Variants in FRMD7 observed in about 807,000 individuals in gnomAD.
FRMD7 encodes FERM domain containing 7.
FRMD7 carries 14 observed loss-of-function variants against 44.1 expected under a neutral mutation model. The ratio of observed to expected loss-of-function variants is 0.32; its 90% CI spans 0.21 to 0.50. The LOEUF (loss-of-function observed/expected upper bound fraction) is 0.50. Ranked by LOEUF, FRMD7 falls within the 20% of genes least tolerant of loss-of-function variation. FRMD7 has a pLI of 0.99. For synonymous variants in FRMD7, 212 were observed against 187.4 expected (o/e 1.13, Z -1.07); for missense variants, 501 against 522.3 (o/e 0.96, Z 0.40).
chrX:132,113,595 T>C (rs1373927933), intron 1 of FRMD7, among the ~76,000 whole-genome samples: 3 of 111,848 alleles, frequency 2.7e-5, no homozygotes, highest in African/African-American at 9.8e-5. Flanking sequence ...GTTTTTTTCA[T>C]TCATTTCTTC....
At chrX:132,103,660 G>A (rs1212029632) in intron 1 of FRMD7, among the ~76,000 whole-genome samples, 2 of 111,888 alleles carry the variant, frequency 1.8e-5, no homozygotes, top group Non-Finnish European at 3.8e-5. Flanking sequence ...TATTCAAAGT[G>A]GCTAGCTCTA....
chrX:132,078,612 G>T lies in FRMD7; in HGVS notation c.1405C>A (p.Pro469Thr). 2 of 1,210,804 alleles carry T rather than the reference G, an allele frequency of 1.7e-6. No individual in the cohort carries two copies. Among genetic ancestry groups the T allele is most frequent in the Admixed American group, 2.2e-5 (1 of 46,007 alleles). Residue 469 changes from proline to threonine, a missense_variant, in exon 12 of 12, where the codon CCA becomes ACA. This residue lies in a region of FRMD7 where 453 missense variants were observed against 452.7 expected (regional missense o/e 1.00). Transcript: ENST00000298542. ...TCCGTGTAAGTTAGCTGCTTTGCTG[G>T]ACGCACTTTGCTTGTGAGGCCAGAA... ...IYSGLTSKVR[P>T]AKQLTYTDVP...
In FRMD7 at chrX:132,077,102, C is replaced by G. The variant is rs1927625930; in HGVS notation, c.*770G>C. On this transcript the variant is annotated 3_prime_UTR_variant, in exon 12 of 12. Coordinates refer to ENST00000298542, the MANE Select transcript of FRMD7 (RefSeq NM_194277.3). Reference sequence around the variant, plus strand: ...AGCTATGACAAAAAATAAATTCTGGCAGGAAATATTAGATAAACAAACTGA... The same window carrying G: ...AGCTATGACAAAAAATAAATTCTGGGAGGAAATATTAGATAAACAAACTGA... 1 of 111,800 alleles carries G rather than the reference C, an allele frequency of 8.9e-6. No homozygotes were observed. Among genetic ancestry groups the G allele is most frequent in the African/African-American group, 3.3e-5 (1 of 30,761 alleles). 9.2% of individuals were successfully genotyped at this position (111,800 alleles called of 1,213,427 possible). A position where few individuals can be genotyped will look rare whatever the true frequency, so the allele number is the denominator to read the frequency against.
At chrX:132,087,914 T>C (rs747967732) in intron 5 of FRMD7, among the ~76,000 whole-genome samples, 1 of 109,995 alleles carries the variant, frequency 9.1e-6, no homozygotes, top group East Asian at 2.8e-4. Flanking sequence ...ATGACTATAA[T>C]ACACTATGAT....
chrX:132,080,103 G>C, intron 10 of FRMD7, 22 bp from the exon 11 acceptor site: 1 of 1,152,694 alleles, frequency 8.7e-7, no homozygotes, highest in Non-Finnish European at 1.2e-6. Flanking sequence ...AAGCAGAGAA[G>C]TCATTGAAAT....
chrX:132,081,350 A>C (rs927352255), intron 9 of FRMD7, among the ~76,000 whole-genome samples: 1 of 100,009 alleles, frequency 1.0e-5, no homozygotes, highest in Non-Finnish European at 2.0e-5. Context: ...ACAAAACAAA[A>C]CAAACAACAA....
At position 132,078,347 on chromosome X, in the gene FRMD7, G is replaced by C; in HGVS notation, c.1670C>G (p.Thr557Ser). ...LQVLQEAIAR[T>S]SGRSNINVGL... ...TACATTGATGTTGCTCCTACCGCTA[G>C]TCCTGGCTATAGCTTCTTGGAGTAC... is the stretch of plus-strand genomic sequence containing the variant. Residue 557 changes from threonine to serine, a missense_variant, in exon 12 of 12, where the codon ACT becomes AGT. Thr to Ser is a moderately conservative substitution (Grantham distance 58). Coordinates refer to ENST00000298542, the MANE Select transcript of FRMD7 (RefSeq NM_194277.3). 1 of 1,211,439 alleles carries C rather than the reference G, an allele frequency of 8.3e-7. No homozygotes were observed. The highest frequency in any genetic ancestry group is 1.1e-6 in the Non-Finnish European group (1 of 895,062).
intron 2 of FRMD7, 140 bp from the exon 3 acceptor site, chrX:132,099,650 T>C (rs2124251085): frequency 2.3e-6 from 1 of 440,364 alleles, no homozygotes; most frequent in East Asian, 4.3e-5. Flanking sequence ...CAAACAGCAA[T>C]GTCAAATAGG....
At chrX:132,097,140 A>G (rs1440947275) in intron 4 of FRMD7, 126 bp downstream of exon 4, 10 of 572,990 alleles carry the variant, frequency 1.7e-5, no homozygotes, top group Non-Finnish European at 3.2e-5. Context: ...CCAGATCCTC[A>G]CCATCTCCCA....
chrX:132,084,383 C>T (rs1414145836), intron 8 of FRMD7, 107 bp downstream of exon 8: 3 of 559,527 alleles, frequency 5.4e-6, no homozygotes, highest in Non-Finnish European at 9.7e-6. Context: ...CACACCATCA[C>T]TCAGGGCCAG....
chrX:132,118,047 A>T (rs1285306422), intron 1 of FRMD7, among the ~76,000 whole-genome samples: 2 of 111,847 alleles, frequency 1.8e-5, no homozygotes, highest in African/African-American at 6.5e-5. Context: ...ATGAATACAA[A>T]TTATGGGAAG....
chrX:132,090,936 T>C (rs1928150571), intron 5 of FRMD7, among the ~76,000 whole-genome samples: 1 of 111,093 alleles, frequency 9.0e-6, no homozygotes, highest in Non-Finnish European at 1.9e-5. Context: ...TGACAAATGT[T>C]ATAAGCACCT....
intron 1 of FRMD7, among the ~76,000 whole-genome samples, chrX:132,116,375 G>A (rs915870335): frequency 2.7e-5 from 3 of 111,485 alleles, no homozygotes; most frequent in Non-Finnish European, 5.6e-5. Flanking sequence ...CAGATGCCAC[G>A]TATTTTTCTA....
chrX:132,082,832 T>C (rs1439281780), intron 8 of FRMD7, among the ~76,000 whole-genome samples: 1 of 112,603 alleles, frequency 8.9e-6, no homozygotes, highest in Non-Finnish European at 1.9e-5. Flanking sequence ...TAAATTAGAT[T>C]AAAATCATGT....
chrX:132,100,187 G>A lies in FRMD7; in HGVS notation c.162+425C>T, dbSNP rs774979892. ...CACTCTGTTGCTCAGGCTGGGATGCGGTGGTGCGATGCTGGCTCACAGCAA... is the reference window on the plus strand; with the variant it reads ...CACTCTGTTGCTCAGGCTGGGATGCAGTGGTGCGATGCTGGCTCACAGCAA... On this transcript the variant is annotated intron_variant, in intron 2 of 11. Coordinates refer to ENST00000298542, the MANE Select transcript of FRMD7 (RefSeq NM_194277.3). Among the ~76,000 whole-genome samples the A allele has an allele frequency of 1.2e-3, 136 of 111,993 alleles. 2 individuals are homozygous for A. The highest frequency in any genetic ancestry group is 4.3e-3 in the African/African-American group (131 of 30,801).
rs1490779227 is a variant in FRMD7 at position 132,077,892 on chromosome X, A to G, written c.2125T>C (p.Cys709Arg). The G allele has an allele frequency of 4.3e-5, 52 of 1,208,748 alleles. No individual in the cohort carries two copies. The highest frequency in any genetic ancestry group is 5.0e-5 in the Non-Finnish European group (45 of 893,672). ...TAEDRTSLKP[C>R]NYFLA ...CACTTTTAAGCTAAAAAGTAATTAC[A>G]TGGTTTTAGTGAAGTCCTGTCTTCA... is the stretch of plus-strand genomic sequence containing the variant. The change falls in exon 12 of 12, where the codon TGT (cysteine) becomes CGT (arginine). Residue 709 changes from cysteine to arginine, a missense_variant. Around this residue, in one of 3 missense-constraint regions of FRMD7, gnomAD observed 453 missense variants for 452.7 expected, o/e 1.00. Transcript: ENST00000298542.
chrX:132,112,811 T>C (rs1177808325), intron 1 of FRMD7, among the ~76,000 whole-genome samples: 1 of 111,233 alleles, frequency 9.0e-6, no homozygotes. Context: ...CGGTACCTGA[T>C]AGATGATACC....
chrX:132,116,760 C>A (rs1928909318), intron 1 of FRMD7, among the ~76,000 whole-genome samples: 1 of 111,691 alleles, frequency 9.0e-6, no homozygotes, highest in Non-Finnish European at 1.9e-5. Context: ...AGTAAACCAC[C>A]ATGGCACACG....
At chrX:132,094,184 A>G in intron 4 of FRMD7, 45 bp from the exon 5 acceptor site, 1 of 784,653 alleles carries the variant, frequency 1.3e-6, no homozygotes. Flanking sequence ...AAACAGAAAT[A>G]AGAAAGAAGC....
Sources: gnomAD v4.1 joint callset for allele counts (sites outside exome capture counted in the v4.1 genomes callset) on GRCh38, gnomAD v4.1.1 for gene constraint, gnomAD v4.1.1 regional missense constraint, MANE v1.5 for transcripts, NCBI Gene and HGNC (gene_info 2026-07-23, HGNC 2026-07-21) for gene names.